The following SEMA6D variants were observed in gnomAD, a reference collection of about 807,000 sequenced individuals.
The protein encoded by SEMA6D is semaphorin-6D.
Under a neutral mutation model 106.6 loss-of-function variants are expected in SEMA6D, and 35 were observed. The ratio of observed to expected loss-of-function variants is 0.33; its 90% CI spans 0.25 to 0.44. SEMA6D has a LOEUF of 0.44. Ranked by LOEUF, SEMA6D falls within the 20% of genes least tolerant of loss-of-function variation. The pLI is 1.00. For synonymous variants in SEMA6D, 499 were observed against 487.7 expected (o/e 1.02, Z -0.31); for missense variants, 1,185 against 1,345.9 (o/e 0.88, Z 1.87).
chr15:47,509,553 G>A (rs1422002362), intron 3 of SEMA6D, among the ~76,000 whole-genome samples: 1 of 151,958 alleles, frequency 6.6e-6, no homozygotes, highest in Admixed American at 6.6e-5. Context: ...CCAAAATATT[G>A]CCCCCGAATT....
intron 1 of SEMA6D, among the ~76,000 whole-genome samples, chr15:47,411,850 C>T (rs2040809983): frequency 6.6e-6 from 1 of 152,060 alleles, no homozygotes; most frequent in Non-Finnish European, 1.5e-5. Flanking sequence ...CCCTCAGAGC[C>T]TCATCTCAAG....
chr15:47,367,155 A>G (rs1458519685), intron 1 of SEMA6D, among the ~76,000 whole-genome samples: 1 of 152,230 alleles, frequency 6.6e-6, no homozygotes, highest in Non-Finnish European at 1.5e-5. Flanking sequence ...TTCACCTGCC[A>G]GAGTGTCTGC....
chr15:47,568,879 G>A (rs988490102), intron 3 of SEMA6D, among the ~76,000 whole-genome samples: 6 of 151,836 alleles, frequency 4.0e-5, no homozygotes, highest in South Asian at 2.1e-4. Flanking sequence ...TTATTATTAC[G>A]AATAATATTA....
rs146023400 is a variant in SEMA6D, at chr15:47,672,083, A to G, written c.-55+71187A>G. Among the ~76,000 whole-genome samples the G allele has an allele frequency of 1.2e-4, 18 of 152,310 alleles. 1 individual carries two copies. The East Asian group carries it at 2.9e-3, about 24-fold the overall frequency. On this transcript the variant is annotated intron_variant, in intron 4 of 19. Coordinates refer to the SEMA6D transcript ENST00000558014. ...TCCCTCTATGATATTATTATCACATATAATTCTTATAATATCCCTTTGTGA... is the reference window on the plus strand; with the variant it reads ...TCCCTCTATGATATTATTATCACATGTAATTCTTATAATATCCCTTTGTGA...
At chr15:47,715,010 G>A (rs546886483), upstream of SEMA6D, among the ~76,000 whole-genome samples, 3 of 152,350 alleles carry the variant, frequency 2.0e-5, no homozygotes, top group African/African-American at 7.2e-5. Context: ...AATTACGTAA[G>A]TGAACTGGTT....
chr15:47,321,255 A>G (rs1320489927), intron 1 of SEMA6D, among the ~76,000 whole-genome samples: 3 of 152,174 alleles, frequency 2.0e-5, no homozygotes, highest in Admixed American at 2.0e-4. Context: ...CCTTTCACTA[A>G]ATCATGTGCG....
chr15:47,510,913 ATACTT>A (rs1405454554), intron 3 of SEMA6D, among the ~76,000 whole-genome samples: 2 of 152,208 alleles, frequency 1.3e-5, no homozygotes, highest in Non-Finnish European at 2.9e-5. Context: ...AGTTCCATAA[ATACTT>A]TATTTTTATG....
intron 1 of SEMA6D, among the ~76,000 whole-genome samples, chr15:47,370,359 A>G (rs951363766): frequency 6.6e-6 from 1 of 152,130 alleles, no homozygotes; most frequent in East Asian, 1.9e-4. Context: ...TACTAAAAAT[A>G]TGAAAATTAG....
chr15:47,764,492 C>T, intron 11 of SEMA6D, 146 bp from the exon 12 acceptor site: 1 of 1,261,890 alleles, frequency 7.9e-7, no homozygotes, highest in Non-Finnish European at 1.1e-6. Flanking sequence ...CCATTGAATT[C>T]AGGGGCATAG....
At chr15:47,376,794 A>C (rs556327181) in intron 1 of SEMA6D, among the ~76,000 whole-genome samples, 1 of 152,302 alleles carries the variant, frequency 6.6e-6, no homozygotes, top group African/African-American at 2.4e-5. Context: ...CAATCTCCTC[A>C]AACCCCTCAG....
At chr15:47,252,737 T>C (rs1229722324) in intron 1 of SEMA6D, among the ~76,000 whole-genome samples, 1 of 152,214 alleles carries the variant, frequency 6.6e-6, no homozygotes, top group Non-Finnish European at 1.5e-5. Flanking sequence ...TCACACCCTT[T>C]TATAGCTGAA....
intron 2 of SEMA6D, among the ~76,000 whole-genome samples, chr15:47,434,032 G>T (rs2041622472): frequency 6.6e-6 from 1 of 152,022 alleles, no homozygotes; most frequent in South Asian, 2.1e-4. Context: ...CCAAAAGTTG[G>T]CTAAAATCAT....
At chr15:47,492,991 A>G (rs1210735821) in intron 3 of SEMA6D, among the ~76,000 whole-genome samples, 1 of 152,148 alleles carries the variant, frequency 6.6e-6, no homozygotes, top group African/African-American at 2.4e-5. Flanking sequence ...CAAGAAAAAA[A>G]ACTAAGAGCT....
At chr15:47,186,555 T>C (rs561324738) in intron 1 of SEMA6D, among the ~76,000 whole-genome samples, 1 of 151,934 alleles carries the variant, frequency 6.6e-6, no homozygotes, top group African/African-American at 2.4e-5. Context: ...TAAAAACTAT[T>C]ATATTTTCAA....
chr15:47,549,851 A>G (rs2045629935), intron 3 of SEMA6D, among the ~76,000 whole-genome samples: 1 of 152,206 alleles, frequency 6.6e-6, no homozygotes, highest in Non-Finnish European at 1.5e-5. Context: ...TTTTCACTAC[A>G]GCCCTAAGCA....
chr15:47,624,107 C>T (rs2077159471), intron 4 of SEMA6D, among the ~76,000 whole-genome samples: 1 of 152,200 alleles, frequency 6.6e-6, no homozygotes, highest in Non-Finnish European at 1.5e-5. Flanking sequence ...GAAATATGAT[C>T]TGTCCTCACC....
At chr15:47,416,584 CGTCTAT>C (rs2040975759) in intron 2 of SEMA6D, among the ~76,000 whole-genome samples, 1 of 152,176 alleles carries the variant, frequency 6.6e-6, no homozygotes, top group African/African-American at 2.4e-5. Flanking sequence ...GGTCTGGCTA[CGTCTAT>C]TATTTCTAGC....
intron 2 of SEMA6D, among the ~76,000 whole-genome samples, chr15:47,418,807 A>G (rs995434940): frequency 1.3e-5 from 2 of 152,138 alleles, no homozygotes; most frequent in Non-Finnish European, 2.9e-5. Flanking sequence ...CTAAGAGCAC[A>G]AAGAACTTGT....
chr15:47,245,102 T>G (rs557174933), intron 1 of SEMA6D, among the ~76,000 whole-genome samples: 15 of 152,228 alleles, frequency 9.9e-5, no homozygotes, highest in African/African-American at 3.1e-4. Context: ...AATCCAACAT[T>G]GATGGGCACC....
Sources: gnomAD v4.1 joint callset for allele counts (sites outside exome capture counted in the v4.1 genomes callset) on GRCh38, gnomAD v4.1.1 for gene constraint, MANE v1.5 for transcripts, NCBI Gene and HGNC (gene_info 2026-07-23, HGNC 2026-07-21) for gene names.